ZPBP: variants seen among roughly 807,000 people sequenced by gnomAD.
ZPBP encodes the protein zona pellucida-binding protein 1.
In ZPBP, 26 loss-of-function variants were observed where a neutral mutation model predicts 44.8. That is an observed-to-expected ratio of 0.58 (90% CI 0.43 to 0.81). The LOEUF is 0.81. ZPBP is among the 30% of genes least tolerant of loss of function. The probability of loss-of-function intolerance (pLI) is 0.00; values close to 1 mark genes in which losing one functional copy is unlikely to be tolerated. For synonymous variants in ZPBP, 174 were observed against 153.2 expected (o/e 1.14, Z -1.00); for missense variants, 409 against 434.0 (o/e 0.94, Z 0.51).
At chr7:50,079,514 C>T in intron 3 of ZPBP, among the ~76,000 whole-genome samples, 1 of 151,550 alleles carries the variant, frequency 6.6e-6, no homozygotes, top group East Asian at 1.9e-4. Flanking sequence ...ACACTCCACC[C>T]TACCACAAAT....
At chr7:49,977,763 C>T (rs192804913) in intron 7 of ZPBP, among the ~76,000 whole-genome samples, 1 of 152,322 alleles carries the variant, frequency 6.6e-6, no homozygotes, top group East Asian at 1.9e-4. Context: ...TCTGCTACCT[C>T]AGCAGAAGCA....
At chr7:49,975,434 G>T (rs1375384215) in intron 7 of ZPBP, among the ~76,000 whole-genome samples, 1 of 152,050 alleles carries the variant, frequency 6.6e-6, no homozygotes, top group African/African-American at 2.4e-5. Context: ...TCTGTGGCCT[G>T]GATTGCCTGG....
At chr7:49,845,754 C>T (rs1249701644), downstream of ZPBP, among the ~76,000 whole-genome samples, 2 of 152,198 alleles carry the variant, frequency 1.3e-5, no homozygotes, top group Non-Finnish European at 1.5e-5. Context: ...ACAAAACAGA[C>T]ATCAGAATGA....
At chr7:49,882,002 G>A (rs1487919194) in intron 2 of ZPBP, among the ~76,000 whole-genome samples, 1 of 151,766 alleles carries the variant, frequency 6.6e-6, no homozygotes, top group African/African-American at 2.4e-5. Flanking sequence ...AAGAAAAAAT[G>A]AAAACAGCTT....
At chr7:49,902,779 T>G (rs959825592) in intron 1 of ZPBP, among the ~76,000 whole-genome samples, 1 of 152,080 alleles carries the variant, frequency 6.6e-6, no homozygotes, top group Admixed American at 6.5e-5. Context: ...AATATAAAAT[T>G]TTTTTGAAAT....
At chr7:50,044,712 C>T (rs1211403177) in intron 4 of ZPBP, among the ~76,000 whole-genome samples, 1 of 152,160 alleles carries the variant, frequency 6.6e-6, no homozygotes, top group Non-Finnish European at 1.5e-5. Flanking sequence ...CAGACAGATT[C>T]ACAGCTGAAT....
chr7:50,035,905 T>C (rs779825163), intron 4 of ZPBP, among the ~76,000 whole-genome samples: 3 of 152,116 alleles, frequency 2.0e-5, no homozygotes, highest in Admixed American at 6.5e-5. Flanking sequence ...CAAGTGGGGA[T>C]TATAAAAATG....
At chr7:49,957,975 G>A (rs1292409610) in intron 7 of ZPBP, among the ~76,000 whole-genome samples, 2 of 152,230 alleles carry the variant, frequency 1.3e-5, no homozygotes. Context: ...CCAGAAGGCA[G>A]GACAAGGGGT....
intron 1 of ZPBP, among the ~76,000 whole-genome samples, chr7:50,091,451 C>A (rs1802987881): frequency 6.6e-6 from 1 of 152,154 alleles, no homozygotes; most frequent in Non-Finnish European, 1.5e-5. Flanking sequence ...AAGAATGAAA[C>A]TGGATCCTCA....
At chr7:49,918,374 C>T (rs1793833932) in intron 1 of ZPBP, 1 of 152,116 alleles carries the variant, frequency 6.6e-6, no homozygotes, top group African/African-American at 2.4e-5. Flanking sequence ...ACCCCACTCC[C>T]CATAAATAAG....
chr7:49,959,148 T>C (rs976331975), intron 7 of ZPBP, among the ~76,000 whole-genome samples: 1 of 151,444 alleles, frequency 6.6e-6, no homozygotes, highest in Admixed American at 6.6e-5. Context: ...ATACCATACT[T>C]AAAAGTGAAA....
At chr7:50,075,554 G>A (rs1460784356) in intron 3 of ZPBP, among the ~76,000 whole-genome samples, 3 of 151,646 alleles carry the variant, frequency 2.0e-5, no homozygotes, top group Non-Finnish European at 4.4e-5. Flanking sequence ...AATAAAGTCA[G>A]AAATGAAAAA....
intron 6 of ZPBP, among the ~76,000 whole-genome samples, chr7:49,998,845 G>A (rs1357419196): frequency 1.3e-5 from 2 of 151,962 alleles, no homozygotes; most frequent in African/African-American, 4.8e-5. Flanking sequence ...AGTATTAGTT[G>A]GGGTTCTTCA....
chr7:49,891,474 C>G (rs1285573325), intron 2 of ZPBP, among the ~76,000 whole-genome samples: 2 of 152,006 alleles, frequency 1.3e-5, no homozygotes, highest in Non-Finnish European at 2.9e-5. Flanking sequence ...ACTTGACAAC[C>G]AGTAGAAAAT....
intron 4 of ZPBP, among the ~76,000 whole-genome samples, chr7:50,047,777 A>G (rs936651772): frequency 6.6e-6 from 1 of 152,122 alleles, no homozygotes; most frequent in South Asian, 2.1e-4. Context: ...GCCAGGAACT[A>G]AACCAAGTCC....
intron 2 of ZPBP, among the ~76,000 whole-genome samples, chr7:50,082,366 T>G (rs1184542686): frequency 1.3e-5 from 2 of 151,936 alleles, no homozygotes; most frequent in African/African-American, 2.4e-5. Context: ...ATAAAGTGAT[T>G]AAAAAGTTAG....
chr7:50,004,942 C>T (rs1386362781), intron 6 of ZPBP, among the ~76,000 whole-genome samples: 1 of 151,262 alleles, frequency 6.6e-6, no homozygotes, highest in Non-Finnish European at 1.5e-5. Context: ...CACAAAAATA[C>T]ATAAAGCTCA....
At chr7:49,875,813 G>A (rs868006995) in intron 2 of ZPBP, among the ~76,000 whole-genome samples, 3 of 152,112 alleles carry the variant, frequency 2.0e-5, no homozygotes, top group South Asian at 2.1e-4. Context: ...GTTAGTATTG[G>A]TATTATTATT....
intron 1 of ZPBP, chr7:49,914,607 T>C (rs772604779): frequency 1.3e-5 from 2 of 152,188 alleles, no homozygotes; most frequent in Non-Finnish European, 2.9e-5. Flanking sequence ...TTAATAATAA[T>C]GGCATTATTT....
Sources: allele counts gnomAD v4.1 joint callset (sites outside exome capture counted in the v4.1 genomes callset), GRCh38; gene constraint gnomAD v4.1.1; transcripts MANE v1.5; gene names NCBI Gene and HGNC (gene_info 2026-07-23, HGNC 2026-07-21).